DDHD1: variants seen among roughly 807,000 people sequenced by gnomAD.
The protein encoded by DDHD1 is phospholipase DDHD1.
DDHD1 carries 49 observed loss-of-function variants against 96.4 expected under a neutral mutation model. The ratio of observed to expected loss-of-function variants is 0.51; its 90% CI spans 0.40 to 0.64. The LOEUF (loss-of-function observed/expected upper bound fraction) is 0.64. DDHD1 is among the 30% of genes least tolerant of loss of function. The probability of loss-of-function intolerance (pLI) is 0.00; values close to 1 mark genes in which losing one functional copy is unlikely to be tolerated. For synonymous variants in DDHD1, 442 were observed against 446.5 expected, an observed-to-expected ratio of 0.99 and a Z score of 0.13; for missense variants, 1,106 against 1,161.2, an observed-to-expected ratio of 0.95 and a Z score of 0.69.
At position 53,139,547 on chromosome 14, in the gene DDHD1, G is replaced by A. The variant is rs148856139; in HGVS notation, c.838+12714C>T. Among the ~76,000 whole-genome samples, 147 of 152,198 alleles carry A rather than the reference G, an allele frequency of 9.7e-4. 3 individuals carry two copies. Among genetic ancestry groups the A allele is most frequent in the African/African-American group, 3.4e-3 (140 of 41,528 alleles). On this transcript the variant is annotated intron_variant, in intron 1 of 12. Coordinates refer to ENST00000673822, the MANE Select transcript of DDHD1 (RefSeq NM_001160148.2). ...ACACAGATCAACTCCCAACTAGGTT[G>A]CTCAATCCCCCACACTAAACGTCTA...
chr14:53,043,338 C>T lies in DDHD1; in HGVS notation c.*3430G>A, dbSNP rs1400103455. The T allele has an allele frequency of 1.3e-5, 2 of 151,462 alleles. No homozygotes were observed. The highest frequency in any genetic ancestry group is 2.9e-5 in the Non-Finnish European group (2 of 68,012). The allele number at this position is 151,462 out of a possible 1,614,324, so 9.4% of individuals were successfully genotyped here. ...TGCCGTTTAACAGAAAGAAGTAAAA[C>T]GTAAGATTCCTAAGGCTTGCTTCAC... On this transcript the variant is annotated 3_prime_UTR_variant, in exon 13 of 13. Coordinates refer to ENST00000673822, the MANE Select transcript of DDHD1 (RefSeq NM_001160148.2).
Position 53,120,240 on chromosome 14 carries a change from A to G in DDHD1, c.839-16384T>C, listed in dbSNP as rs184790984. Among the ~76,000 whole-genome samples the G allele has an allele frequency of 1.1e-3, 167 of 152,318 alleles. 4 individuals are homozygous for G. The East Asian group carries it at 0.027, about 24-fold the overall frequency. ...TAGAATATCTAGGAATACAACTTAC[A>G]AGGGACGTGAAGGACGTCTTCAAGA... is the stretch of plus-strand genomic sequence containing the variant. On this transcript the variant is annotated intron_variant, in intron 1 of 12. Coordinates refer to ENST00000673822, the MANE Select transcript of DDHD1 (RefSeq NM_001160148.2).
intron 4 of DDHD1, among the ~76,000 whole-genome samples, chr14:53,090,975 T>G (rs1886385911): frequency 6.6e-6 from 1 of 152,184 alleles, no homozygotes. Flanking sequence ...ATTATTATTA[T>G]AGAGGTGTTG....
chr14:53,073,682 C>A (rs539198912), intron 5 of DDHD1, 59 bp downstream of exon 5: 4 of 1,432,354 alleles, frequency 2.8e-6, no homozygotes, highest in Non-Finnish European at 3.8e-6. Context: ...AAACTTTCTG[C>A]ATTTATTTTG....
chr14:53,123,327 T>C (rs1193868168), intron 1 of DDHD1, among the ~76,000 whole-genome samples: 2 of 151,878 alleles, frequency 1.3e-5, no homozygotes, highest in Non-Finnish European at 2.9e-5. Flanking sequence ...TTTGTATTTT[T>C]AGTAGAGACA....
intron 2 of DDHD1, among the ~76,000 whole-genome samples, chr14:53,095,186 C>A (rs529821229): frequency 1.3e-5 from 2 of 152,012 alleles, no homozygotes; most frequent in South Asian, 4.2e-4. Context: ...ATTAACATAC[C>A]CATCTTCAGA....
intron 1 of DDHD1, among the ~76,000 whole-genome samples, chr14:53,113,023 G>A (rs559217684): frequency 5.9e-5 from 9 of 152,030 alleles, no homozygotes; most frequent in South Asian, 2.1e-4. Context: ...GCAGTGGCGT[G>A]ATCTCAGCTT....
chr14:53,082,256 A>G (rs1267346152), intron 4 of DDHD1, among the ~76,000 whole-genome samples: 1 of 152,210 alleles, frequency 6.6e-6, no homozygotes, highest in African/African-American at 2.4e-5. Flanking sequence ...GATTAATAGC[A>G]TTTAAGAATT....
At chr14:53,088,645 A>G (rs1595153681) in intron 4 of DDHD1, among the ~76,000 whole-genome samples, 1 of 152,228 alleles carries the variant, frequency 6.6e-6, no homozygotes, top group African/African-American at 2.4e-5. Context: ...AACTCTCAAT[A>G]AACTAGGTAT....
At chr14:53,051,332 C>T (rs372941876) in intron 12 of DDHD1, among the ~76,000 whole-genome samples, 20 of 151,972 alleles carry the variant, frequency 1.3e-4, no homozygotes, top group African/African-American at 4.8e-4. Flanking sequence ...ATATCTCTTA[C>T]ATCCAAGAAT....
At chr14:53,117,212 A>G (rs985299721) in intron 1 of DDHD1, among the ~76,000 whole-genome samples, 3 of 152,010 alleles carry the variant, frequency 2.0e-5, no homozygotes, top group Non-Finnish European at 2.9e-5. Flanking sequence ...TCTGGTCTGC[A>G]GCTCCCAGTG....
At chr14:53,093,689 T>C (rs1053507058) in intron 2 of DDHD1, 18 of 414,834 alleles carry the variant, frequency 4.3e-5, no homozygotes, top group Non-Finnish European at 7.3e-5. Flanking sequence ...TTGAGTTACT[T>C]AACTATCATA....
intron 4 of DDHD1, among the ~76,000 whole-genome samples, chr14:53,084,696 C>CGG (rs1885778129): frequency 6.6e-6 from 1 of 152,194 alleles, no homozygotes; most frequent in Non-Finnish European, 1.5e-5. Context: ...GTCTGCAGCT[C>CGG]CCAGCTTGAT....
At chr14:53,110,076 A>AT (rs1887995138) in intron 1 of DDHD1, among the ~76,000 whole-genome samples, 1 of 152,216 alleles carries the variant, frequency 6.6e-6, no homozygotes, top group South Asian at 2.1e-4. Flanking sequence ...AGCTGACAGT[A>AT]TTTAGGTGGC....
rs997879500 is a variant in DDHD1 at position 53,037,048 on chromosome 14, A to G, written c.*9720T>C. The G allele has an allele frequency of 6.6e-6, 1 of 152,000 alleles. No homozygotes were observed. Among genetic ancestry groups the G allele is most frequent in the African/African-American group, 2.4e-5 (1 of 41,392 alleles). 9.4% of individuals were successfully genotyped at this position (152,000 alleles called of 1,614,324 possible). The stretch of plus-strand genomic sequence containing the variant: ...TGCAGTACTTGGTTTTCTGTTCTTA[A>G]TTTGCTTAGATTATGGCTTCCAGCT... On this transcript the variant is annotated 3_prime_UTR_variant, in exon 13 of 13. Transcript: ENST00000673822.
Position 53,040,319 on chromosome 14 carries a change from T to C in DDHD1, c.*6449A>G, listed in dbSNP as rs985339342. The C allele has an allele frequency of 1.3e-5, 2 of 152,204 alleles. No individual in the cohort carries two copies. The highest frequency in any genetic ancestry group is 4.8e-5 in the African/African-American group (2 of 41,462). 9.4% of individuals were successfully genotyped at this position (152,204 alleles called of 1,614,324 possible). A position where few individuals can be genotyped will look rare whatever the true frequency, so the allele number is the denominator to read the frequency against. On this transcript the variant is annotated 3_prime_UTR_variant, in exon 13 of 13. Transcript: ENST00000673822. The stretch of plus-strand genomic sequence containing the variant: ...GAGTTGTGGCCACTAGCCTTCCTAG[T>C]AGAACGGAATGTGGCAGCCACAGCT...
At chr14:53,109,978 T>C (rs1041439521) in intron 1 of DDHD1, among the ~76,000 whole-genome samples, 1 of 152,176 alleles carries the variant, frequency 6.6e-6, no homozygotes, top group Non-Finnish European at 1.5e-5. Context: ...CAAATAGTCA[T>C]GAAACCCTTA....
intron 4 of DDHD1, among the ~76,000 whole-genome samples, chr14:53,081,711 A>C (rs1595139521): frequency 6.6e-6 from 1 of 152,238 alleles, no homozygotes; most frequent in East Asian, 1.9e-4. Flanking sequence ...GAAACACTAC[A>C]TCTGCTTAAA....
intron 1 of DDHD1, among the ~76,000 whole-genome samples, chr14:53,151,873 G>A (rs1219304886): frequency 6.6e-6 from 1 of 152,174 alleles, no homozygotes; most frequent in Non-Finnish European, 1.5e-5. Context: ...CAGAAGACGT[G>A]CCGCTATTTA....
Sources: gnomAD v4.1 joint callset for allele counts (sites outside exome capture counted in the v4.1 genomes callset) on GRCh38, gnomAD v4.1.1 for gene constraint, MANE v1.5 for transcripts, NCBI Gene and HGNC (gene_info 2026-07-23, HGNC 2026-07-21) for gene names.